AQP7: variants seen among roughly 807,000 people sequenced by gnomAD.
AQP7 encodes aquaporin-7.
AQP7 carries 22 observed loss-of-function variants against 26.1 expected under a neutral mutation model. The ratio of observed to expected loss-of-function variants is 0.84; its 90% CI spans 0.60 to 1.20. The LOEUF (loss-of-function observed/expected upper bound fraction) is 1.20, where lower values mean the gene tolerates loss of function less well. AQP7 is among the 50% of genes most tolerant of loss of function. The pLI is 0.00. For synonymous variants in AQP7, 167 were observed against 181.7 expected (o/e 0.92, Z 0.65); for missense variants, 412 against 457.5 (o/e 0.90, Z 0.91).
chr9:33,387,767 G>A (rs1480585930), intron 3 of AQP7, among the ~76,000 whole-genome samples: 1 of 151,982 alleles, frequency 6.6e-6, no homozygotes, highest in East Asian at 1.9e-4. Context: ...TGGCTCCTGT[G>A]CTATCCTCTC....
intron 2 of AQP7, among the ~76,000 whole-genome samples, chr9:33,399,811 G>A (rs1826120557): frequency 1.3e-5 from 2 of 152,134 alleles, no homozygotes; most frequent in African/African-American, 4.8e-5. Flanking sequence ...GAATGGGCGG[G>A]TGGTGGCCTG....
At chr9:33,387,149 G>A in intron 3 of AQP7, 57 bp from the exon 4 acceptor site, 2 of 1,548,732 alleles carry the variant, frequency 1.3e-6, no homozygotes, top group South Asian at 1.2e-5. Context: ...CCTCAGAGGA[G>A]GGCTCAGAGC....
At chr9:33,390,303 AG>A (rs1463668842) in intron 3 of AQP7, among the ~76,000 whole-genome samples, 4 of 152,058 alleles carry the variant, frequency 2.6e-5, no homozygotes, top group African/African-American at 9.7e-5. Flanking sequence ...TTGGTGCAGA[AG>A]TGGAGGGGTC....
At chr9:33,395,877 A>G (rs1007771076) in intron 2 of AQP7, among the ~76,000 whole-genome samples, 13 of 152,224 alleles carry the variant, frequency 8.5e-5, no homozygotes, top group Non-Finnish European at 7.3e-5. Context: ...TTCCTGGTGT[A>G]TCTTCAGTGC....
chr9:33,385,061 A>G lies in AQP7; in HGVS notation c.973T>C (p.Ser325Pro). The part of the protein sequence containing the change: ...TPVSVSPANR[S>P]SVHPAPPLHE... ...AAGGGTGGGGCAGGGTGGACTGAAG[A>G]TCTGTTGGCAGGGCTCACAGAGACG... Residue 325 changes from serine to proline, a missense_variant, in exon 8 of 8, where the codon TCT (serine) becomes CCT (proline). Physicochemically the swap from Ser to Pro is moderately conservative, Grantham distance 74 (BLOSUM62 -1). Transcript: ENST00000297988. 5 of 1,611,842 alleles carry G rather than the reference A, an allele frequency of 3.1e-6. No individual in the cohort carries two copies. The highest frequency in any genetic ancestry group is 4.2e-6 in the Non-Finnish European group (5 of 1,179,816).
intron 3 of AQP7, chr9:33,394,420 C>T (rs1300301930): frequency 6.6e-6 from 1 of 152,210 alleles, no homozygotes; most frequent in Non-Finnish European, 1.5e-5. Context: ...CCTTCAACAT[C>T]ACCCACTGCC....
rs1273468929 is a variant in AQP7, at chr9:33,401,108, G to T, written c.26+129C>A. 2.9e-6 allele frequency: 3 copies of T among 1,023,756 alleles called. No individual in the cohort carries two copies. In the African/African-American group the frequency reaches 4.8e-5, roughly 16 times the overall value. 63.4% of individuals were successfully genotyped at this position (1,023,756 alleles called of 1,614,324 possible). ...TGGGACCTCAGAGGCGAGTGGGTGGGTGGGGAGGAGGAGGTCGAGTGGGGA... is the reference window on the plus strand; with the variant it reads ...TGGGACCTCAGAGGCGAGTGGGTGGTTGGGGAGGAGGAGGTCGAGTGGGGA... On this transcript the variant is annotated intron_variant, in intron 2 of 7. Coordinates refer to ENST00000297988, the MANE Select transcript of AQP7 (RefSeq NM_001170.3).
At chr9:33,386,705 G>A (rs4008673) in intron 4 of AQP7, among the ~76,000 whole-genome samples, 164 bp from the exon 5 acceptor site, 5 of 152,188 alleles carry the variant, frequency 3.3e-5, no homozygotes, top group African/African-American at 4.8e-5. Flanking sequence ...CACCATCTTC[G>A]TTTCACTCTC....
intron 3 of AQP7, among the ~76,000 whole-genome samples, chr9:33,390,565 C>T (rs1226302849): frequency 6.6e-6 from 1 of 151,928 alleles, no homozygotes; most frequent in Non-Finnish European, 1.5e-5. Flanking sequence ...GGCAGCTGAG[C>T]AGGGCCCACT....
At chr9:33,397,738 C>T (rs1283768049) in intron 2 of AQP7, among the ~76,000 whole-genome samples, 1 of 152,238 alleles carries the variant, frequency 6.6e-6, no homozygotes, top group East Asian at 1.9e-4. Context: ...CTCCACTGGC[C>T]CCCATCCAAC....
At position 33,396,202 on chromosome 9, in the gene AQP7, C is replaced by T. The variant is rs141924358; in HGVS notation, c.27-1007G>A. 5.9e-3 allele frequency among the ~76,000 whole-genome samples: 902 copies of T among 152,162 alleles called. 7 individuals carry two copies. The highest frequency in any genetic ancestry group is 9.6e-3 in the Non-Finnish European group (650 of 67,996). On this transcript the variant is annotated intron_variant, in intron 2 of 7. Transcript: ENST00000297988. ...CCTATAATCCCAGCACTTTGGTAGG[C>T]CAAGGTGGGCAGATCACCTGAGGTC...
At position 33,383,309 on chromosome 9, in the gene AQP7, T is replaced by C. The variant is rs900324558; in HGVS notation, c.*1696A>G. 3 of 152,180 alleles carry C rather than the reference T, an allele frequency of 2.0e-5. No homozygotes were observed. Among genetic ancestry groups the C allele is most frequent in the African/African-American group, 7.2e-5 (3 of 41,440 alleles). The allele number at this position is 152,180 out of a possible 1,614,324, so 9.4% of individuals were successfully genotyped here. A position where few individuals can be genotyped will look rare whatever the true frequency, so the allele number is the denominator to read the frequency against. On this transcript the variant is annotated 3_prime_UTR_variant, in exon 8 of 8. Coordinates refer to ENST00000297988, the MANE Select transcript of AQP7 (RefSeq NM_001170.3). ...GAAGGGTTGAATATCTTGCTCAAGA[T>C]CACACACATTTTGCCACCCCCCATT... is the stretch of plus-strand genomic sequence containing the variant.
Position 33,398,553 on chromosome 9 carries a change from G to T in AQP7, c.26+2684C>A, listed in dbSNP as rs900073782. ...AGCTGACAGGCTTGGTGTTTGGTTAGAGAGGGAAGAGAGCGGGGCAGCTCA... is the reference window on the plus strand; with the variant it reads ...AGCTGACAGGCTTGGTGTTTGGTTATAGAGGGAAGAGAGCGGGGCAGCTCA... On this transcript the variant is annotated intron_variant, in intron 2 of 7. Transcript: ENST00000297988. Among the ~76,000 whole-genome samples, 112 of 152,370 alleles carry T rather than the reference G, an allele frequency of 7.4e-4. 1 individual carries two copies. Among genetic ancestry groups the T allele is most frequent in the Middle Eastern group, 3.4e-3 (1 of 294 alleles).
In AQP7 at chr9:33,390,027, CAA is replaced by C. The variant is rs778333672; in HGVS notation, c.145-2937_145-2936del. 3.4e-3 allele frequency among the ~76,000 whole-genome samples: 268 copies of C among 78,598 alleles called. 1 individual carries two copies. The highest frequency in any genetic ancestry group is 0.011 in the African/African-American group (238 of 21,226). The allele number at this position is 78,598 out of a possible 152,430, so 51.6% of individuals were successfully genotyped here. A position where few individuals can be genotyped will look rare whatever the true frequency, so the allele number is the denominator to read the frequency against. ...TGGGTGACAGAGCAAGACTCCGTCT[CAA>C]AAAAAAAAAAAAAAAAAGAAAAGAA... On this transcript the variant is annotated intron_variant, in intron 3 of 7. Coordinates refer to ENST00000297988, the MANE Select transcript of AQP7 (RefSeq NM_001170.3).
chr9:33,399,726 C>T (rs561991452), intron 2 of AQP7, among the ~76,000 whole-genome samples: 1 of 152,176 alleles, frequency 6.6e-6, no homozygotes, highest in South Asian at 2.1e-4. Flanking sequence ...ATGGCAACAA[C>T]ACCAGAGAGA....
chr9:33,396,030 G>A (rs1825820692), intron 2 of AQP7, among the ~76,000 whole-genome samples: 1 of 152,162 alleles, frequency 6.6e-6, no homozygotes, highest in East Asian at 1.9e-4. Flanking sequence ...TTAAGTGCAC[G>A]GTTAGATGGA....
At position 33,384,014 on chromosome 9, in the gene AQP7, A is replaced by G. The variant is rs1824537717; in HGVS notation, c.*991T>C. On this transcript the variant is annotated 3_prime_UTR_variant, in exon 8 of 8. Transcript: ENST00000297988. ...TCCCCAGTGTCCAGGCAGGGCCTGC[A>G]CACAGTAGATGCACAATAATTATTG... is the stretch of plus-strand genomic sequence containing the variant. 6.6e-6 allele frequency: 1 copy of G among 152,318 alleles called. No homozygotes were observed. Among genetic ancestry groups the G allele is most frequent in the Admixed American group, 6.5e-5 (1 of 15,290 alleles). 9.4% of individuals were successfully genotyped at this position (152,318 alleles called of 1,614,324 possible).
At chr9:33,393,070 A>G (rs1825555286) in intron 3 of AQP7, among the ~76,000 whole-genome samples, 1 of 152,136 alleles carries the variant, frequency 6.6e-6, no homozygotes. Context: ...TCTACTAAAA[A>G]TAGAAAAATT....
intron 6 of AQP7, 74 bp downstream of exon 6, chr9:33,386,003 C>G: frequency 1.3e-6 from 2 of 1,595,328 alleles, no homozygotes; most frequent in Non-Finnish European, 1.7e-6. Flanking sequence ...CCTGTCTATC[C>G]GGAGGGACTC....
Sources: allele counts gnomAD v4.1 joint callset (sites outside exome capture counted in the v4.1 genomes callset), GRCh38; gene constraint gnomAD v4.1.1; transcripts MANE v1.5; gene names NCBI Gene and HGNC (gene_info 2026-07-23, HGNC 2026-07-21).